MTUS2: variants seen among roughly 807,000 people sequenced by gnomAD.
The protein encoded by MTUS2 is microtubule-associated tumor suppressor candidate 2.
In MTUS2, 40 loss-of-function variants were observed where a neutral mutation model predicts 114.1. The observed-to-expected ratio is 0.35, with a 90% CI of 0.27 to 0.46. The LOEUF is 0.46. Among genes scored for constraint, MTUS2 ranks in the 20% least tolerant of loss-of-function variants. MTUS2 has a pLI of 1.00. For synonymous variants in MTUS2, 688 were observed against 672.0 expected, an observed-to-expected ratio of 1.02 and a Z score of -0.37; for missense variants, 1,679 against 1,705.4, an observed-to-expected ratio of 0.98 and a Z score of 0.27.
intron 6 of MTUS2, among the ~76,000 whole-genome samples, chr13:29,311,304 G>A (rs1259889160): frequency 6.6e-6 from 1 of 152,214 alleles, no homozygotes; most frequent in Non-Finnish European, 1.5e-5. Context: ...CTGGCTGCCA[G>A]TGATCTTCTA....
chr13:29,238,761 G>A (rs767542865), intron 5 of MTUS2, among the ~76,000 whole-genome samples: 5 of 152,152 alleles, frequency 3.3e-5, no homozygotes, highest in Non-Finnish European at 5.9e-5. Flanking sequence ...ACAATACTTT[G>A]CATCCTTCAA....
chr13:29,013,121 C>A (rs1885922962), intron 2 of MTUS2, among the ~76,000 whole-genome samples: 1 of 152,174 alleles, frequency 6.6e-6, no homozygotes, highest in African/African-American at 2.4e-5. Flanking sequence ...AGGAAAAATA[C>A]ATTGTCTTTT....
chr13:29,497,249 C>T lies in MTUS2; in HGVS notation c.3591C>T (p.Asp1197=). The change falls in exon 13 of 16, where the codon GAC becomes GAT. Residue 1197 remains aspartate, a synonymous_variant. Transcript: ENST00000612955. ...KLRLSLQDQV[D]TLTFQSQSLR... ...ATCATTACTTGCAGGACCAGGTGGA[C>T]ACGCTGACCTTCCAGAGCCAGTCTC... The T allele has an allele frequency of 2.5e-6, 4 of 1,612,150 alleles. No homozygotes were observed. Among genetic ancestry groups the T allele is most frequent in the Non-Finnish European group, 3.4e-6 (4 of 1,179,860 alleles).
chr13:29,018,199 G>A lies in MTUS2; in HGVS notation c.-242-6258G>A, dbSNP rs546600554. 1.3e-4 allele frequency among the ~76,000 whole-genome samples: 20 copies of A among 152,280 alleles called. 1 individual carries two copies. Among genetic ancestry groups the A allele is most frequent in the African/African-American group, 4.8e-4 (20 of 41,564 alleles). On this transcript the variant is annotated intron_variant, in intron 2 of 15. Coordinates refer to ENST00000612955, the MANE Select transcript of MTUS2 (RefSeq NM_001033602.4). ...GGGCAAATGTACTTTAAGTAGAAGA[G>A]TAAAGGGGATTAAATCTGGAAACAT...
chr13:29,227,890 T>C (rs1288198108), intron 5 of MTUS2, among the ~76,000 whole-genome samples: 1 of 152,238 alleles, frequency 6.6e-6, no homozygotes, highest in Non-Finnish European at 1.5e-5. Context: ...GTTAAAGTCT[T>C]ATATGTCTTC....
chr13:28,872,486 G>A (rs1593260855), intron 2 of MTUS2, among the ~76,000 whole-genome samples: 1 of 152,274 alleles, frequency 6.6e-6, no homozygotes, highest in East Asian at 1.9e-4. Context: ...AACTTATAAA[G>A]GAAAAAATAT....
At chr13:28,862,795 T>C (rs1297454111) in intron 2 of MTUS2, among the ~76,000 whole-genome samples, 1 of 152,122 alleles carries the variant, frequency 6.6e-6, no homozygotes, top group Non-Finnish European at 1.5e-5. Flanking sequence ...TTGAACATGA[T>C]AGTAAAGGAA....
Position 29,261,949 on chromosome 13 carries a change from A to G in MTUS2, c.2645-19755A>G, listed in dbSNP as rs541277691. ...TAATTACTCAAAGGTCTCTTGATAT[A>G]TTAGCCTTTGGTCTTTTAAGTAACT... On this transcript the variant is annotated intron_variant, in intron 5 of 15. Coordinates refer to ENST00000612955, the MANE Select transcript of MTUS2 (RefSeq NM_001033602.4). 2.0e-5 allele frequency among the ~76,000 whole-genome samples: 3 copies of G among 152,366 alleles called. No homozygotes were observed. The East Asian group carries it at 5.8e-4, about 29-fold the overall frequency.
chr13:28,978,206 G>A (rs149727494), intron 2 of MTUS2, among the ~76,000 whole-genome samples: 1 of 152,112 alleles, frequency 6.6e-6, no homozygotes, highest in Admixed American at 6.5e-5. Context: ...AGTGAAATAG[G>A]CAAGTGTCTC....
At chr13:28,851,502 A>G (rs143459903) in intron 2 of MTUS2, among the ~76,000 whole-genome samples, 253 of 152,356 alleles carry the variant, frequency 1.7e-3, no homozygotes, top group African/African-American at 5.8e-3. Context: ...AGTGGGCACT[A>G]TGCAGATGTC....
intron 5 of MTUS2, among the ~76,000 whole-genome samples, chr13:29,183,238 G>T (rs985333624): frequency 8.7e-5 from 13 of 149,440 alleles, no homozygotes; most frequent in African/African-American, 3.2e-4. Flanking sequence ...ATGTCCTGAT[G>T]ATTGGATGTT....
At chr13:28,857,766 G>A (rs550002956) in intron 2 of MTUS2, among the ~76,000 whole-genome samples, 12 of 152,306 alleles carry the variant, frequency 7.9e-5, no homozygotes, top group Non-Finnish European at 1.5e-4. Flanking sequence ...TTATGTTCAA[G>A]TTTGCTCCAG....
chr13:29,013,947 A>C (rs1885958995), intron 2 of MTUS2, among the ~76,000 whole-genome samples: 1 of 152,190 alleles, frequency 6.6e-6, no homozygotes, highest in Non-Finnish European at 1.5e-5. Context: ...TTTATTAGTG[A>C]TTAACTATAT....
chr13:29,011,219 C>T (rs1885829374), intron 2 of MTUS2, among the ~76,000 whole-genome samples: 1 of 152,162 alleles, frequency 6.6e-6, no homozygotes, highest in Non-Finnish European at 1.5e-5. Flanking sequence ...ATATTTAAAA[C>T]ATGCCCATGA....
intron 5 of MTUS2, among the ~76,000 whole-genome samples, chr13:29,127,442 C>A (rs941618928): frequency 3.3e-5 from 5 of 152,174 alleles, no homozygotes; most frequent in African/African-American, 1.2e-4. Flanking sequence ...AAGAAGTTAT[C>A]TTCTTTAGCC....
intron 2 of MTUS2, among the ~76,000 whole-genome samples, chr13:28,995,121 C>A (rs1378626698): frequency 6.6e-6 from 1 of 152,216 alleles, no homozygotes; most frequent in Non-Finnish European, 1.5e-5. Flanking sequence ...CTACATATGG[C>A]TAGCCAGTCT....
rs145488780 is a variant in MTUS2, at chr13:29,328,591, T to C, written c.2905+3880T>C. 7.2e-5 allele frequency among the ~76,000 whole-genome samples: 11 copies of C among 152,316 alleles called. No individual in the cohort carries two copies. In the East Asian group the frequency reaches 1.2e-3, roughly 16 times the overall value. On this transcript the variant is annotated intron_variant, in intron 7 of 15. Coordinates refer to ENST00000612955, the MANE Select transcript of MTUS2 (RefSeq NM_001033602.4). ...GTTGTGGAGACCAAGGTTCTTAGTA[T>C]GTAAATGAAGCCTCATATGTGGCAG...
chr13:29,400,639 T>A (rs1874256443), intron 8 of MTUS2, among the ~76,000 whole-genome samples: 1 of 152,222 alleles, frequency 6.6e-6, no homozygotes. Context: ...TGGCCCTATG[T>A]CAACAATAAC....
intron 5 of MTUS2, among the ~76,000 whole-genome samples, chr13:29,142,229 C>A (rs1892254404): frequency 6.6e-6 from 1 of 151,956 alleles, no homozygotes; most frequent in South Asian, 2.1e-4. Flanking sequence ...GGGGTTGTTA[C>A]ATGTTAAAGT....
Sources: allele counts gnomAD v4.1 joint callset (sites outside exome capture counted in the v4.1 genomes callset), GRCh38; gene constraint gnomAD v4.1.1; transcripts MANE v1.5; gene names NCBI Gene and HGNC (gene_info 2026-07-23, HGNC 2026-07-21).